The following SNTG1 variants were observed in gnomAD, a reference collection of about 807,000 sequenced individuals.
The protein encoded by SNTG1 is syntrophin gamma 1.
Under a neutral mutation model 74.7 loss-of-function variants are expected in SNTG1, and 39 were observed. The observed-to-expected ratio is 0.52, with a 90% CI of 0.40 to 0.68. SNTG1 has a LOEUF of 0.68. Among genes scored for constraint, SNTG1 ranks in the 30% least tolerant of loss-of-function variants. SNTG1 has a pLI of 0.00. For missense variants in SNTG1, 685 were observed against 609.5 expected (o/e 1.12, Z -1.30); for synonymous variants, 254 against 217.1 (o/e 1.17, Z -1.49).
At chr8:50,526,867 C>G (rs1315989378) in intron 9 of SNTG1, among the ~76,000 whole-genome samples, 1 of 151,900 alleles carries the variant, frequency 6.6e-6, no homozygotes, top group Non-Finnish European at 1.5e-5. Context: ...TGTGATCATC[C>G]CGCCTCATCC....
intron 2 of SNTG1, among the ~76,000 whole-genome samples, chr8:50,379,146 T>A (rs903553015): frequency 1.3e-5 from 2 of 152,138 alleles, no homozygotes; most frequent in Non-Finnish European, 1.5e-5. Flanking sequence ...GCCCCAAGTC[T>A]GGAGGCAGCT....
At position 50,171,421 on chromosome 8, in the gene SNTG1, G is replaced by A. The variant is rs566203770; in HGVS notation, c.-102-1140G>A. Among the ~76,000 whole-genome samples, 14 of 152,174 alleles carry A rather than the reference G, an allele frequency of 9.2e-5. 1 individual carries two copies. The highest frequency in any genetic ancestry group is 2.9e-4 in the African/African-American group (12 of 41,528). On this transcript the variant is annotated intron_variant, in intron 1 of 18. Coordinates refer to ENST00000642720, the MANE Select transcript of SNTG1 (RefSeq NM_018967.5). ...ACAGGAGAAATATGTAGGCTGGGCC[G>A]CTAAGCCAGTCTAGTCTTTTCATGG...
intron 17 of SNTG1, among the ~76,000 whole-genome samples, chr8:50,734,975 C>G (rs1330266701): frequency 5.2e-5 from 6 of 115,850 alleles, no homozygotes; most frequent in South Asian, 5.8e-4. Context: ...CCATATATAT[C>G]TATCCATATA....
intron 13 of SNTG1, among the ~76,000 whole-genome samples, chr8:50,609,278 T>G (rs1268221041): frequency 6.6e-6 from 1 of 152,062 alleles, no homozygotes; most frequent in Admixed American, 6.6e-5. Context: ...GTAAAGTATT[T>G]TGTTGTTGCT....
chr8:50,032,511 T>C (rs908902878), intron 1 of SNTG1, among the ~76,000 whole-genome samples: 2 of 152,144 alleles, frequency 1.3e-5, no homozygotes, highest in Non-Finnish European at 2.9e-5. Context: ...GGCTAGAAAG[T>C]GCAAATTTCT....
At chr8:50,534,696 A>G (rs2094295052) in intron 10 of SNTG1, among the ~76,000 whole-genome samples, 1 of 152,052 alleles carries the variant, frequency 6.6e-6, no homozygotes, top group Non-Finnish European at 1.5e-5. Flanking sequence ...CAGGAGGACC[A>G]CTTGACCCCA....
intron 9 of SNTG1, among the ~76,000 whole-genome samples, chr8:50,509,284 C>A (rs2094041654): frequency 6.6e-6 from 1 of 152,166 alleles, no homozygotes; most frequent in East Asian, 1.9e-4. Flanking sequence ...GTCTCTATCT[C>A]TGTTTTGGTA....
At chr8:50,332,852 C>A (rs898525233) in intron 2 of SNTG1, among the ~76,000 whole-genome samples, 2 of 152,150 alleles carry the variant, frequency 1.3e-5, no homozygotes, top group Admixed American at 6.5e-5. Flanking sequence ...AGCTCAGTTA[C>A]AAAATAGTAC....
chr8:50,395,597 G>T (rs1045245931), intron 3 of SNTG1, among the ~76,000 whole-genome samples: 18 of 149,332 alleles, frequency 1.2e-4, no homozygotes, highest in Non-Finnish European at 1.9e-4. Flanking sequence ...TCTGCCTCCT[G>T]GGTTCATGCC....
chr8:50,700,974 A>G (rs891715639), intron 15 of SNTG1, among the ~76,000 whole-genome samples: 1 of 152,162 alleles, frequency 6.6e-6, no homozygotes, highest in African/African-American at 2.4e-5. Flanking sequence ...ATAACAGAAG[A>G]TCTTAAATTG....
At chr8:50,088,225 C>T (rs1436412452) in intron 1 of SNTG1, among the ~76,000 whole-genome samples, 1 of 151,666 alleles carries the variant, frequency 6.6e-6, no homozygotes, top group Non-Finnish European at 1.5e-5. Flanking sequence ...TAAAAACTCT[C>T]AATAAATTAG....
At chr8:50,788,591 A>C (rs1194907960) in intron 18 of SNTG1, among the ~76,000 whole-genome samples, 2 of 151,948 alleles carry the variant, frequency 1.3e-5, no homozygotes, top group African/African-American at 2.4e-5. Flanking sequence ...AATTCAAAAA[A>C]TTGCGGTCTC....
chr8:50,298,665 A>C (rs1159518906), intron 2 of SNTG1, among the ~76,000 whole-genome samples: 1 of 152,164 alleles, frequency 6.6e-6, no homozygotes, highest in Non-Finnish European at 1.5e-5. Flanking sequence ...AACAAGCTTC[A>C]ATTCAATTTT....
intron 5 of SNTG1, among the ~76,000 whole-genome samples, chr8:50,442,680 TAAAAAAAA>T (rs5891365): frequency 3.7e-5 from 3 of 81,170 alleles, no homozygotes; most frequent in African/African-American, 1.0e-4. Flanking sequence ...TGTCTATCAG[TAAAAAAAA>T]AAAAAAAAAA....
intron 4 of SNTG1, among the ~76,000 whole-genome samples, chr8:50,421,399 C>T (rs2093085227): frequency 6.6e-6 from 1 of 152,100 alleles, no homozygotes; most frequent in African/African-American, 2.4e-5. Flanking sequence ...CCTCACATTG[C>T]CATGACATTT....
intron 1 of SNTG1, among the ~76,000 whole-genome samples, chr8:49,985,652 G>C (rs1718314935): frequency 6.6e-6 from 1 of 152,040 alleles, no homozygotes; most frequent in African/African-American, 2.4e-5. Flanking sequence ...AGTTAAATAA[G>C]GCGCATAAAC....
At chr8:50,090,270 G>T (rs2079671080) in intron 1 of SNTG1, among the ~76,000 whole-genome samples, 2 of 152,130 alleles carry the variant, frequency 1.3e-5, no homozygotes, top group Non-Finnish European at 2.9e-5. Context: ...AAGGGGAATT[G>T]GTTGGCTCAC....
intron 8 of SNTG1, among the ~76,000 whole-genome samples, chr8:50,497,436 GC>G (rs1190043698): frequency 6.6e-6 from 1 of 151,334 alleles, no homozygotes; most frequent in Non-Finnish European, 1.5e-5. Context: ...TTTTTCCACT[GC>G]CCCATATATT....
chr8:50,693,432 T>C (rs1261316402), intron 15 of SNTG1, among the ~76,000 whole-genome samples: 1 of 152,128 alleles, frequency 6.6e-6, no homozygotes, highest in African/African-American at 2.4e-5. Flanking sequence ...TGTGTAACAA[T>C]TGTAAATATA....
Sources: allele counts gnomAD v4.1 joint callset (sites outside exome capture counted in the v4.1 genomes callset), GRCh38; gene constraint gnomAD v4.1.1; transcripts MANE v1.5; gene names NCBI Gene and HGNC (gene_info 2026-07-23, HGNC 2026-07-21).